AGBL4: variants seen among roughly 807,000 people sequenced by gnomAD.
AGBL4 encodes cytosolic carboxypeptidase 6.
A neutral mutation model predicts 66.4 loss-of-function variants in AGBL4; 58 were observed. The ratio of observed to expected loss-of-function variants is 0.87; its 90% CI spans 0.71 to 1.09. The LOEUF (loss-of-function observed/expected upper bound fraction) is 1.09, where lower values mean the gene tolerates loss of function less well. Ranked by LOEUF, AGBL4 falls within the 50% of genes least tolerant of loss-of-function variation. The pLI is 0.00. For missense variants in AGBL4, 579 were observed against 631.0 expected (o/e 0.92, Z 0.88); for synonymous variants, 234 against 222.9 (o/e 1.05, Z -0.44).
Position 49,530,278 on chromosome 1 carries a change from A to AAAAAAAAAAAAAAAAAAAAAAAAC in AGBL4, c.282+167034_282+167035insGTTTTTTTTTTTTTTTTTTTTTTT, listed in dbSNP as rs1186915086. ...AATTTGTAAAAAAAAAAAAACAAAA[A>AAAAAAAAAAAAAAAAAAAAAAAAC]AAAACTCTATGAGTTTTTTTTTATT... is the stretch of plus-strand genomic sequence containing the variant. On this transcript the variant is annotated intron_variant, in intron 3 of 13. Coordinates refer to ENST00000371839, the MANE Select transcript of AGBL4 (RefSeq NM_032785.4). Among the ~76,000 whole-genome samples, 149 of 145,114 alleles carry AAAAAAAAAAAAAAAAAAAAAAAAC rather than the reference A, an allele frequency of 1.0e-3. 4 individuals carry two copies. Among genetic ancestry groups the AAAAAAAAAAAAAAAAAAAAAAAAC allele is most frequent in the Non-Finnish European group, 1.9e-3 (125 of 64,908 alleles).
At chr1:49,179,523 G>A (rs746990183) in intron 4 of AGBL4, among the ~76,000 whole-genome samples, 8 of 151,706 alleles carry the variant, frequency 5.3e-5, no homozygotes, top group South Asian at 2.1e-4. Context: ...GAAAGTTTGC[G>A]GAAAGAATGC....
At chr1:49,855,410 G>A (rs1646409088) in intron 1 of AGBL4, among the ~76,000 whole-genome samples, 1 of 152,116 alleles carries the variant, frequency 6.6e-6, no homozygotes, top group Non-Finnish European at 1.5e-5. Context: ...GGACATAACA[G>A]ACATTTACAG....
intron 5 of AGBL4, among the ~76,000 whole-genome samples, chr1:49,033,460 G>A (rs562968938): frequency 2.0e-4 from 30 of 152,198 alleles, no homozygotes; most frequent in African/African-American, 6.7e-4. Flanking sequence ...AGAAGAAAGC[G>A]GGAAGGAACA....
intron 5 of AGBL4, among the ~76,000 whole-genome samples, chr1:48,997,240 A>G (rs1661087825): frequency 6.6e-6 from 1 of 152,124 alleles, no homozygotes; most frequent in African/African-American, 2.4e-5. Flanking sequence ...TGATAAATTT[A>G]AGATGTAGAA....
chr1:49,658,210 C>T (rs1646188754), intron 3 of AGBL4, among the ~76,000 whole-genome samples: 1 of 152,132 alleles, frequency 6.6e-6, no homozygotes, highest in Admixed American at 6.5e-5. Flanking sequence ...TATGAACAGA[C>T]ACTTCTCAAA....
intron 1 of AGBL4, among the ~76,000 whole-genome samples, chr1:50,019,568 T>C (rs1662287899): frequency 6.6e-6 from 1 of 152,062 alleles, no homozygotes; most frequent in Admixed American, 6.6e-5. Context: ...ATTCTGCCCA[T>C]AATTGGTTTC....
intron 4 of AGBL4, among the ~76,000 whole-genome samples, chr1:49,138,419 C>G (rs1001580940): frequency 5.9e-5 from 9 of 152,102 alleles, no homozygotes; most frequent in African/African-American, 1.9e-4. Context: ...TTTCTCTTTC[C>G]CTCCACTACC....
chr1:48,957,985 AG>A (rs1479140545), intron 5 of AGBL4, among the ~76,000 whole-genome samples: 2 of 151,528 alleles, frequency 1.3e-5, no homozygotes, highest in Non-Finnish European at 2.9e-5. Flanking sequence ...TGACTTCTGC[AG>A]GCTTGTTTTT....
chr1:49,128,056 G>C (rs1314103280), intron 4 of AGBL4, among the ~76,000 whole-genome samples: 3 of 151,958 alleles, frequency 2.0e-5, no homozygotes, highest in Non-Finnish European at 1.5e-5. Context: ...AACATTAAAA[G>C]AGCAATTATA....
chr1:49,980,638 A>G (rs552037444), intron 1 of AGBL4, among the ~76,000 whole-genome samples: 24 of 152,270 alleles, frequency 1.6e-4, no homozygotes, highest in African/African-American at 5.1e-4. Flanking sequence ...TATTGTATGT[A>G]TATACCACAT....
At chr1:50,023,322 C>T (rs1662582974) in intron 1 of AGBL4, among the ~76,000 whole-genome samples, 1 of 152,284 alleles carries the variant, frequency 6.6e-6, no homozygotes, top group East Asian at 1.9e-4. Flanking sequence ...TCCACGTATA[C>T]CTCCCTCTTT....
chr1:49,363,797 T>C (rs1644188638), intron 3 of AGBL4, among the ~76,000 whole-genome samples: 2 of 152,310 alleles, frequency 1.3e-5, no homozygotes, highest in South Asian at 4.1e-4. Context: ...AACAAATATA[T>C]AGAGTACTCA....
chr1:48,802,592 A>C (rs1046084999), intron 6 of AGBL4, among the ~76,000 whole-genome samples: 1 of 152,208 alleles, frequency 6.6e-6, no homozygotes, highest in African/African-American at 2.4e-5. Context: ...TGTATGTACT[A>C]GGAAGTATGC....
intron 2 of AGBL4, among the ~76,000 whole-genome samples, chr1:49,764,833 G>A (rs1298141214): frequency 6.6e-6 from 1 of 152,118 alleles, no homozygotes; most frequent in African/African-American, 2.4e-5. Context: ...ATGGAGAGTC[G>A]CAAAAATAGG....
At chr1:49,605,581 C>A (rs907366430) in intron 3 of AGBL4, among the ~76,000 whole-genome samples, 1 of 152,094 alleles carries the variant, frequency 6.6e-6, no homozygotes, top group African/African-American at 2.4e-5. Context: ...AAGTATGAAT[C>A]ACAAAGAAAT....
chr1:48,958,203 C>T (rs887435799), intron 5 of AGBL4, among the ~76,000 whole-genome samples: 2 of 152,102 alleles, frequency 1.3e-5, no homozygotes, highest in African/African-American at 4.8e-5. Context: ...CTTCATGTGC[C>T]ATTAACACCT....
At chr1:49,359,759 T>C (rs1466107198) in intron 3 of AGBL4, among the ~76,000 whole-genome samples, 1 of 152,130 alleles carries the variant, frequency 6.6e-6, no homozygotes, top group East Asian at 1.9e-4. Context: ...TAAAGCTTTT[T>C]TACCCCGAGA....
At chr1:48,588,086 G>A (rs192962298) in intron 10 of AGBL4, among the ~76,000 whole-genome samples, 116 of 152,200 alleles carry the variant, frequency 7.6e-4, no homozygotes, top group African/African-American at 2.7e-3. Context: ...CTATAGATGA[G>A]GAAACTGAGG....
chr1:49,259,128 G>GC (rs1652849239), intron 3 of AGBL4, among the ~76,000 whole-genome samples: 1 of 151,798 alleles, frequency 6.6e-6, no homozygotes, highest in South Asian at 2.1e-4. Flanking sequence ...TCACCACCAG[G>GC]CCTGCCCTAA....
Sources: gnomAD v4.1 joint callset for allele counts (sites outside exome capture counted in the v4.1 genomes callset) on GRCh38, gnomAD v4.1.1 for gene constraint, MANE v1.5 for transcripts, NCBI Gene and HGNC (gene_info 2026-07-23, HGNC 2026-07-21) for gene names.